Variants in SATB2 observed in about 807,000 individuals in gnomAD.
SATB2 encodes the protein DNA-binding protein SATB2.
In SATB2, 1 loss-of-function variant was observed where a neutral mutation model predicts 73.4. That is an observed-to-expected ratio of 0.01 (90% CI 0.00 to 0.06). The LOEUF is 0.06. SATB2 is among the 10% of genes least tolerant of loss of function. The pLI is 1.00. For synonymous variants in SATB2, 397 were observed against 367.0 expected (o/e 1.08, Z -0.93); for missense variants, 459 against 945.8 (o/e 0.49, Z 6.75).
intron 6 of SATB2, among the ~76,000 whole-genome samples, chr2:199,368,070 TC>T (rs1689340176): frequency 6.6e-6 from 1 of 152,068 alleles, no homozygotes; most frequent in Non-Finnish European, 1.5e-5. Flanking sequence ...TTTGATGATT[TC>T]CCATTTTCAG....
intron 8 of SATB2, 42 bp from the exon 9 acceptor site, chr2:199,324,000 A>G (rs1687966259): frequency 6.2e-7 from 1 of 1,609,714 alleles, no homozygotes; most frequent in East Asian, 2.2e-5. Context: ...AAAGTGCTGC[A>G]TTCAGCCCAG....
At chr2:199,290,744 TA>T (rs1559144737) in intron 10 of SATB2, among the ~76,000 whole-genome samples, 1 of 152,178 alleles carries the variant, frequency 6.6e-6, no homozygotes, top group East Asian at 1.9e-4. Context: ...TTCTCAGGGA[TA>T]AAAACTGACA....
At chr2:199,296,524 C>A (rs1687102558) in intron 10 of SATB2, among the ~76,000 whole-genome samples, 1 of 152,056 alleles carries the variant, frequency 6.6e-6, no homozygotes, top group Non-Finnish European at 1.5e-5. Context: ...AACCACATCT[C>A]TACTAAAAAT....
intron 3 of SATB2, among the ~76,000 whole-genome samples, chr2:199,412,560 T>C (rs1369302587): frequency 6.6e-6 from 1 of 152,230 alleles, no homozygotes; most frequent in Non-Finnish European, 1.5e-5. Context: ...TGCTGTTCTT[T>C]ATTTTTCCTA....
At chr2:199,361,607 A>G (rs1356315205) in intron 6 of SATB2, among the ~76,000 whole-genome samples, 2 of 151,940 alleles carry the variant, frequency 1.3e-5, no homozygotes, top group Non-Finnish European at 2.9e-5. Flanking sequence ...CTCATTTTCA[A>G]TATGTCACTC....
chr2:199,421,636 T>G (rs1691173082), intron 3 of SATB2, among the ~76,000 whole-genome samples: 1 of 152,160 alleles, frequency 6.6e-6, no homozygotes, highest in African/African-American at 2.4e-5. Flanking sequence ...CGCACAATAC[T>G]GCGTGTATGT....
chr2:199,288,927 C>T (rs183090582), intron 10 of SATB2, among the ~76,000 whole-genome samples: 1 of 152,306 alleles, frequency 6.6e-6, no homozygotes, highest in Non-Finnish European at 1.5e-5. Context: ...GCAAAGATTC[C>T]TGGTGGCTTA....
At chr2:199,341,218 A>G (rs1574523970) in intron 7 of SATB2, among the ~76,000 whole-genome samples, 1 of 152,366 alleles carries the variant, frequency 6.6e-6, no homozygotes, top group East Asian at 1.9e-4. Context: ...TTAAATAGTC[A>G]AGCAACATAT....
At chr2:199,294,835 C>T (rs940938074) in intron 10 of SATB2, among the ~76,000 whole-genome samples, 1 of 152,192 alleles carries the variant, frequency 6.6e-6, no homozygotes, top group Non-Finnish European at 1.5e-5. Flanking sequence ...TTTCCATATT[C>T]ACATATATTC....
intron 6 of SATB2, among the ~76,000 whole-genome samples, chr2:199,368,220 A>G (rs1266920891): frequency 6.6e-6 from 1 of 152,150 alleles, no homozygotes; most frequent in Non-Finnish European, 1.5e-5. Flanking sequence ...TCGTCGACAC[A>G]GGAACACAAC....
chr2:199,439,293 T>G (rs939014262), intron 2 of SATB2, among the ~76,000 whole-genome samples: 2 of 152,218 alleles, frequency 1.3e-5, no homozygotes, highest in African/African-American at 4.8e-5. Flanking sequence ...AGGAGCCAGT[T>G]TGAGATGAGA....
chr2:199,375,508 T>A (rs993044048), intron 5 of SATB2, among the ~76,000 whole-genome samples: 2 of 152,230 alleles, frequency 1.3e-5, no homozygotes, highest in Admixed American at 1.3e-4. Context: ...TGTGGCACTT[T>A]TATGGACTTC....
intron 3 of SATB2, 130 bp downstream of exon 3, chr2:199,433,208 G>T: frequency 1.1e-6 from 1 of 915,726 alleles, no homozygotes; most frequent in Non-Finnish European, 1.6e-6. Context: ...ATATTCTACT[G>T]CTCACTAGGA....
chr2:199,423,510 T>C (rs1049696875), intron 3 of SATB2, among the ~76,000 whole-genome samples: 2 of 152,026 alleles, frequency 1.3e-5, no homozygotes, highest in Non-Finnish European at 2.9e-5. Flanking sequence ...AAGAAAGATA[T>C]ATCAGAAGTG....
rs370376251 is a variant in SATB2, at chr2:199,417,819, C to G, written c.346+15519G>C. 2.6e-5 allele frequency among the ~76,000 whole-genome samples: 4 copies of G among 152,232 alleles called. No homozygotes were observed. In the East Asian group the frequency reaches 7.7e-4, roughly 29 times the overall value. ...GGGAAAGAAGCAATGTAGTGCAGAA[C>G]AACTTATCCACAAAAAAGAAAATAA... On this transcript the variant is annotated intron_variant, in intron 3 of 10. Coordinates refer to ENST00000417098, the MANE Select transcript of SATB2 (RefSeq NM_001172509.2).
chr2:199,321,017 G>A (rs890586502), intron 9 of SATB2, among the ~76,000 whole-genome samples: 5 of 152,074 alleles, frequency 3.3e-5, no homozygotes, highest in African/African-American at 1.2e-4. Context: ...TTCAGGAGAA[G>A]GGAAAGCCCT....
chr2:199,468,543 G>T (rs1692637588), upstream of SATB2, among the ~76,000 whole-genome samples: 1 of 152,214 alleles, frequency 6.6e-6, no homozygotes, highest in Admixed American at 6.5e-5. Flanking sequence ...CAGGAGTGGG[G>T]AGTGAGGGAG....
intron 10 of SATB2, among the ~76,000 whole-genome samples, chr2:199,286,636 T>C (rs964234123): frequency 6.6e-6 from 1 of 152,052 alleles, no homozygotes. Flanking sequence ...TAAGCACTAA[T>C]TTCTCCCTGT....
At chr2:199,428,187 T>G (rs1318093309) in intron 3 of SATB2, among the ~76,000 whole-genome samples, 2 of 152,208 alleles carry the variant, frequency 1.3e-5, no homozygotes, top group African/African-American at 4.8e-5. Flanking sequence ...TTTGAAATGC[T>G]CAACCTACTA....
Sources: gnomAD v4.1 joint callset for allele counts (sites outside exome capture counted in the v4.1 genomes callset) on GRCh38, gnomAD v4.1.1 for gene constraint, MANE v1.5 for transcripts, NCBI Gene and HGNC (gene_info 2026-07-23, HGNC 2026-07-21) for gene names.